Variants in PTPRD observed in about 807,000 individuals in gnomAD.
PTPRD encodes the protein receptor-type tyrosine-protein phosphatase delta.
Under a neutral mutation model 214.5 loss-of-function variants are expected in PTPRD, and 34 were observed. The observed-to-expected ratio is 0.16, with a 90% CI of 0.12 to 0.21. PTPRD has a LOEUF of 0.21. Ranked by LOEUF, PTPRD falls within the 10% of genes least tolerant of loss-of-function variation. The probability of loss-of-function intolerance (pLI) is 1.00; values close to 1 mark genes in which losing one functional copy is unlikely to be tolerated. For missense variants in PTPRD, 2,545 were observed against 2,398.7 expected, an observed-to-expected ratio of 1.06 and a Z score of -1.27; for synonymous variants, 1,128 against 845.7, an observed-to-expected ratio of 1.33 and a Z score of -5.79.
chr9:9,925,021 A>T (rs1723849682), intron 5 of PTPRD, among the ~76,000 whole-genome samples: 1 of 152,132 alleles, frequency 6.6e-6, no homozygotes, highest in Non-Finnish European at 1.5e-5. Flanking sequence ...ACCGAGTAGC[A>T]ATACCTTTGA....
chr9:9,031,721 A>C (rs928167495), intron 10 of PTPRD, among the ~76,000 whole-genome samples: 2 of 152,064 alleles, frequency 1.3e-5, no homozygotes, highest in African/African-American at 4.8e-5. Flanking sequence ...ATGCACAAAT[A>C]ATCAGAGTAC....
At chr9:10,159,445 C>G (rs921726388) in intron 3 of PTPRD, among the ~76,000 whole-genome samples, 4 of 151,752 alleles carry the variant, frequency 2.6e-5, no homozygotes, top group African/African-American at 9.7e-5. Flanking sequence ...ATCTTGGAAG[C>G]ACTTTAATAG....
chr9:8,524,777 A>G (rs2097975665), intron 18 of PTPRD, 148 bp downstream of exon 18: 1 of 778,446 alleles, frequency 1.3e-6, no homozygotes, highest in East Asian at 2.4e-5. Flanking sequence ...TTAAATTTTT[A>G]ACTTTTCTAT....
At chr9:10,310,901 G>A (rs2096249981) in intron 3 of PTPRD, among the ~76,000 whole-genome samples, 1 of 151,952 alleles carries the variant, frequency 6.6e-6, no homozygotes, top group East Asian at 1.9e-4. Context: ...AAAGAACTTT[G>A]AGAACAAGCT....
chr9:8,823,894 G>C (rs143828362), intron 11 of PTPRD, among the ~76,000 whole-genome samples: 2 of 152,320 alleles, frequency 1.3e-5, no homozygotes, highest in East Asian at 1.9e-4. Flanking sequence ...CCCAAGGGCT[G>C]CTGGTTGCCC....
Position 10,154,322 on chromosome 9 carries a change from T to C in PTPRD, c.-544-120532A>G, listed in dbSNP as rs531177593. ...TGCCCACTTTTTAATGGGGTTGTTT[T>C]CTACTTGTAAATTTGTTTAAGTTCT... On this transcript the variant is annotated intron_variant, in intron 3 of 45. Transcript: ENST00000381196. Among the ~76,000 whole-genome samples, 296 of 152,084 alleles carry C rather than the reference T, an allele frequency of 1.9e-3. 1 individual carries two copies. Among genetic ancestry groups the C allele is most frequent in the African/African-American group, 6.6e-3 (276 of 41,550 alleles).
intron 2 of PTPRD, among the ~76,000 whole-genome samples, chr9:10,487,179 G>A (rs1288856683): frequency 1.3e-5 from 2 of 152,012 alleles, no homozygotes; most frequent in African/African-American, 4.8e-5. Context: ...TTCAGTCTAT[G>A]GGTACCCTTA....
At chr9:10,360,957 C>G (rs531580266) in intron 2 of PTPRD, among the ~76,000 whole-genome samples, 17 of 152,120 alleles carry the variant, frequency 1.1e-4, no homozygotes, top group African/African-American at 3.9e-4. Context: ...AAAAAATTAG[C>G]CGGGCGTGGT....
chr9:9,762,420 T>C (rs2098666503), intron 6 of PTPRD, among the ~76,000 whole-genome samples: 1 of 152,206 alleles, frequency 6.6e-6, no homozygotes, highest in Admixed American at 6.5e-5. Context: ...CTGAAAATTT[T>C]CCAAATCTTT....
intron 39 of PTPRD, among the ~76,000 whole-genome samples, chr9:8,360,606 C>T (rs1436406472): frequency 1.3e-5 from 2 of 152,102 alleles, no homozygotes; most frequent in Admixed American, 1.3e-4. Context: ...CTCTATAACC[C>T]ACAGTTTTGC....
chr9:9,609,506 A>G (rs1592931850), intron 7 of PTPRD, among the ~76,000 whole-genome samples: 1 of 152,198 alleles, frequency 6.6e-6, no homozygotes, highest in East Asian at 1.9e-4. Context: ...TCTGTAGCCC[A>G]GGGTAGAGTG....
intron 10 of PTPRD, among the ~76,000 whole-genome samples, chr9:9,072,277 A>G (rs2099744832): frequency 7.4e-6 from 1 of 135,930 alleles, no homozygotes; most frequent in African/African-American, 2.9e-5. Flanking sequence ...AGAGCTGGCA[A>G]CTTACACACA....
intron 11 of PTPRD, among the ~76,000 whole-genome samples, chr9:8,741,659 C>A (rs1348518620): frequency 7.3e-6 from 1 of 137,316 alleles, no homozygotes; most frequent in East Asian, 2.2e-4. Flanking sequence ...TCTCGGCTCA[C>A]TGCAACCCCC....
At chr9:8,952,731 G>T (rs2099109568) in intron 11 of PTPRD, among the ~76,000 whole-genome samples, 1 of 151,846 alleles carries the variant, frequency 6.6e-6, no homozygotes, top group Non-Finnish European at 1.5e-5. Flanking sequence ...GAAAAATTAA[G>T]ATTTTCATGA....
chr9:9,703,510 C>G (rs1297182161), intron 7 of PTPRD, among the ~76,000 whole-genome samples: 1 of 152,130 alleles, frequency 6.6e-6, no homozygotes, highest in East Asian at 1.9e-4. Context: ...TCACCCCAGA[C>G]TTATGGAATC....
intron 4 of PTPRD, among the ~76,000 whole-genome samples, chr9:10,023,793 T>C (rs1189889137): frequency 2.6e-5 from 4 of 152,076 alleles, no homozygotes; most frequent in African/African-American, 4.8e-5. Context: ...AAACTTCATT[T>C]AATAAAGGTT....
At chr9:8,484,423 G>C (rs1369841440) in intron 29 of PTPRD, 45 bp from the exon 30 acceptor site, 6 of 1,561,724 alleles carry the variant, frequency 3.8e-6, no homozygotes, top group Non-Finnish European at 5.2e-6. Context: ...TTATCAGAGA[G>C]GCAAAATATA....
intron 3 of PTPRD, among the ~76,000 whole-genome samples, chr9:10,048,909 T>C (rs1218484791): frequency 6.6e-6 from 1 of 151,810 alleles, no homozygotes; most frequent in Non-Finnish European, 1.5e-5. Flanking sequence ...AGAAAGGTGG[T>C]GGTAGGATGA....
rs112596075 is a variant in PTPRD at position 9,046,227 on chromosome 9, G to A, written c.-142-27492C>T. Among the ~76,000 whole-genome samples the A allele has an allele frequency of 2.2e-3, 335 of 152,214 alleles. 3 individuals carry two copies. The highest frequency in any genetic ancestry group is 7.6e-3 in the African/African-American group (315 of 41,540). ...ACAGGAAAGCTAGTTGTTATAATTA[G>A]AAGTTTTATAAAGACATAGTTTATA... is the stretch of plus-strand genomic sequence containing the variant. On this transcript the variant is annotated intron_variant, in intron 10 of 45. Coordinates refer to ENST00000381196, the MANE Select transcript of PTPRD (RefSeq NM_002839.4).
Sources: gnomAD v4.1 joint callset for allele counts (sites outside exome capture counted in the v4.1 genomes callset) on GRCh38, gnomAD v4.1.1 for gene constraint, MANE v1.5 for transcripts, NCBI Gene and HGNC (gene_info 2026-07-23, HGNC 2026-07-21) for gene names.